CADPS2: variants seen among roughly 807,000 people sequenced by gnomAD.
CADPS2 encodes the protein calcium-dependent secretion activator 2.
In CADPS2, 93 loss-of-function variants were observed where a neutral mutation model predicts 172.5. The ratio of observed to expected loss-of-function variants is 0.54; its 90% CI spans 0.46 to 0.64. The LOEUF (loss-of-function observed/expected upper bound fraction) is 0.64. Ranked by LOEUF, CADPS2 falls within the 30% of genes least tolerant of loss-of-function variation. The pLI, the probability that CADPS2 is intolerant of heterozygous loss-of-function variation, is 0.00. For synonymous variants in CADPS2, 546 were observed against 555.2 expected (o/e 0.98, Z 0.23); for missense variants, 1,420 against 1,565.9 (o/e 0.91, Z 1.57).
intron 11 of CADPS2, 69 bp from the exon 12 acceptor site, chr7:122,480,929 C>G (rs1366648838): frequency 1.7e-6 from 2 of 1,153,226 alleles, no homozygotes; most frequent in Non-Finnish European, 2.3e-6. Flanking sequence ...ACTTATACAA[C>G]TAGACATTTA....
intron 5 of CADPS2, among the ~76,000 whole-genome samples, chr7:122,616,971 T>C (rs1181541737): frequency 1.3e-5 from 2 of 152,230 alleles, no homozygotes; most frequent in East Asian, 3.8e-4. Flanking sequence ...TCATTTAAAA[T>C]GTATGAAACA....
At chr7:122,713,355 G>A (rs180989622) in intron 2 of CADPS2, among the ~76,000 whole-genome samples, 81 of 152,126 alleles carry the variant, frequency 5.3e-4, no homozygotes, top group African/African-American at 1.9e-3. Flanking sequence ...CTAAACTCAT[G>A]TGCCTTAGTT....
chr7:122,442,633 T>C (rs1308828185), intron 15 of CADPS2, among the ~76,000 whole-genome samples: 1 of 152,216 alleles, frequency 6.6e-6, no homozygotes, highest in Non-Finnish European at 1.5e-5. Flanking sequence ...TAACTTGTTT[T>C]ATACAACTAT....
intron 2 of CADPS2, among the ~76,000 whole-genome samples, chr7:122,736,206 G>A (rs2092135796): frequency 6.6e-6 from 1 of 152,064 alleles, no homozygotes; most frequent in African/African-American, 2.4e-5. Context: ...AAATATTCTT[G>A]CCTCAGGTAA....
chr7:122,337,811 G>A (rs1182762386), intron 28 of CADPS2, among the ~76,000 whole-genome samples: 1 of 147,142 alleles, frequency 6.8e-6, no homozygotes, highest in East Asian at 2.0e-4. Flanking sequence ...TACTGAGGCA[G>A]AGAAGACAAT....
Position 122,581,284 on chromosome 7 carries a change from C to T in CADPS2, c.1230G>A (p.Gly410=). 6.2e-7 allele frequency: 1 copy of T among 1,611,524 alleles called. No individual in the cohort carries two copies. Among genetic ancestry groups the T allele is most frequent in the Non-Finnish European group, 8.5e-7 (1 of 1,178,004 alleles). The change falls in exon 7 of 30, where the codon GGG becomes GGA. Residue 410 remains glycine, a synonymous_variant. Coordinates refer to ENST00000449022, the MANE Select transcript of CADPS2 (RefSeq NM_017954.11). ...DQAEASRPQW[G]TQGDFTTTHP... ...GGGTGGTGGTGAAATCTCCTTGAGTCCCCCATCTGTAATGAAGTAAAAAAA... is the reference window on the plus strand; with the variant it reads ...GGGTGGTGGTGAAATCTCCTTGAGTTCCCCATCTGTAATGAAGTAAAAAAA...
chr7:122,428,467 ATATAT>A (rs988953248), intron 17 of CADPS2, among the ~76,000 whole-genome samples: 6 of 128,354 alleles, frequency 4.7e-5, no homozygotes, highest in African/African-American at 1.6e-4. Flanking sequence ...ATATATATAT[ATATAT>A]TTTTTTTTTT....
intron 6 of CADPS2, among the ~76,000 whole-genome samples, chr7:122,600,447 T>C (rs1439926195): frequency 1.3e-5 from 2 of 152,012 alleles, no homozygotes; most frequent in African/African-American, 4.8e-5. Context: ...ATCTGTCTGA[T>C]TATAGGGGAA....
At chr7:122,731,513 T>C (rs2091639541) in intron 2 of CADPS2, among the ~76,000 whole-genome samples, 1 of 151,672 alleles carries the variant, frequency 6.6e-6, no homozygotes, top group South Asian at 2.1e-4. Flanking sequence ...TCAACCTATG[T>C]TTACCTAACT....
intron 3 of CADPS2, among the ~76,000 whole-genome samples, chr7:122,640,130 A>G (rs1278617434): frequency 2.6e-5 from 4 of 152,162 alleles, no homozygotes; most frequent in Admixed American, 2.6e-4. Context: ...CCCAAAACCT[A>G]CATGTCATCT....
Position 122,319,977 on chromosome 7 carries a change from A to G in CADPS2, c.*188T>C. On this transcript the variant is annotated 3_prime_UTR_variant, in exon 30 of 30. Coordinates refer to ENST00000449022, the MANE Select transcript of CADPS2 (RefSeq NM_017954.11). Reference sequence around the variant, plus strand: ...AACAAACAAACAAACAAACAAAAAAAGGAAACAAAAAAACCCCAAAATCTT... The same window carrying G: ...AACAAACAAACAAACAAACAAAAAAGGGAAACAAAAAAACCCCAAAATCTT... The G allele has an allele frequency of 6.1e-6, 3 of 493,384 alleles. No homozygotes were observed. Among genetic ancestry groups the G allele is most frequent in the Non-Finnish European group, 6.5e-6 (2 of 306,220 alleles). The allele number at this position is 493,384 out of a possible 1,614,324, so 30.6% of individuals were successfully genotyped here. A position where few individuals can be genotyped will look rare whatever the true frequency, so the allele number is the denominator to read the frequency against.
intron 7 of CADPS2, among the ~76,000 whole-genome samples, chr7:122,569,253 C>T (rs1283596337): frequency 6.6e-6 from 1 of 152,004 alleles, no homozygotes; most frequent in South Asian, 2.1e-4. Flanking sequence ...AAACAGAGAG[C>T]CAAATCATGA....
chr7:122,612,020 T>C (rs2074360492), intron 6 of CADPS2, among the ~76,000 whole-genome samples: 1 of 152,020 alleles, frequency 6.6e-6, no homozygotes, highest in Non-Finnish European at 1.5e-5. Context: ...CTTTTCATTA[T>C]AAAAACAGTC....
intron 2 of CADPS2, among the ~76,000 whole-genome samples, chr7:122,677,186 C>T (rs1039671123): frequency 6.6e-6 from 1 of 152,160 alleles, no homozygotes; most frequent in African/African-American, 2.4e-5. Flanking sequence ...AACCAATATG[C>T]CTGTGGCTTG....
At chr7:122,560,356 G>A (rs567325982) in intron 7 of CADPS2, among the ~76,000 whole-genome samples, 5 of 152,266 alleles carry the variant, frequency 3.3e-5, no homozygotes, top group African/African-American at 9.6e-5. Flanking sequence ...TTTGCTAAGC[G>A]TGTGTTATCC....
chr7:122,642,544 A>C (rs2077780299), intron 3 of CADPS2, among the ~76,000 whole-genome samples: 1 of 57,550 alleles, frequency 1.7e-5, no homozygotes, highest in Non-Finnish European at 3.4e-5. Flanking sequence ...GTTTCACCCA[A>C]CAGCTTTTTT....
intron 28 of CADPS2, among the ~76,000 whole-genome samples, chr7:122,342,673 A>G (rs1410627594): frequency 1.3e-5 from 2 of 152,164 alleles, no homozygotes; most frequent in East Asian, 3.8e-4. Flanking sequence ...TGCATGACCC[A>G]GAAACTGTAG....
chr7:122,527,900 G>A (rs1394541057), intron 8 of CADPS2, among the ~76,000 whole-genome samples: 1 of 152,064 alleles, frequency 6.6e-6, no homozygotes, highest in Non-Finnish European at 1.5e-5. Context: ...AAAATAATGA[G>A]AGAGACAGAC....
At chr7:122,807,590 C>T (rs2140095815) in intron 1 of CADPS2, among the ~76,000 whole-genome samples, 1 of 152,344 alleles carries the variant, frequency 6.6e-6, no homozygotes, top group East Asian at 1.9e-4. Context: ...CAAAATGCCA[C>T]AGACTGGGTG....
Sources: gnomAD v4.1 joint callset for allele counts (sites outside exome capture counted in the v4.1 genomes callset) on GRCh38, gnomAD v4.1.1 for gene constraint, MANE v1.5 for transcripts, NCBI Gene and HGNC (gene_info 2026-07-23, HGNC 2026-07-21) for gene names.